Variants in SNRPN observed in about 807,000 individuals in gnomAD.
The protein encoded by SNRPN is small nuclear ribonucleoprotein polypeptide N.
Under a neutral mutation model 25.2 loss-of-function variants are expected in SNRPN, and 7 were observed. That is an observed-to-expected ratio of 0.28 (90% confidence interval 0.16 to 0.52). The LOEUF (loss-of-function observed/expected upper bound fraction) is 0.52. Ranked by LOEUF, SNRPN falls within the 20% of genes least tolerant of loss-of-function variation. The pLI is 0.96. For synonymous variants in SNRPN, 124 were observed against 110.6 expected (o/e 1.12, Z -0.76); for missense variants, 196 against 322.5 (o/e 0.61, Z 3.00).
chr15:24,881,564 G>A (rs372652869), intron 1 of SNRPN, among the ~76,000 whole-genome samples: 7 of 37,836 alleles, frequency 1.9e-4, no homozygotes, highest in Non-Finnish European at 2.4e-4. Flanking sequence ...AGGGAGGGAG[G>A]GAGGGAGGGA....
intron 2 of SNRPN, among the ~76,000 whole-genome samples, chr15:24,897,694 T>C (rs1175267399): frequency 6.6e-6 from 1 of 152,196 alleles, no homozygotes; most frequent in African/African-American, 2.4e-5. Flanking sequence ...TCCCCTATAC[T>C]GTTCTCTTGG....
intron 1 of SNRPN, among the ~76,000 whole-genome samples, chr15:24,868,182 A>T (rs964583184): frequency 6.6e-6 from 1 of 152,150 alleles, no homozygotes; most frequent in Middle Eastern, 3.4e-3. Context: ...TATAAATGCA[A>T]TGAATGACAG....
At chr15:24,969,084 A>C (rs146441518) in intron 3 of SNRPN, among the ~76,000 whole-genome samples, 2 of 151,970 alleles carry the variant, frequency 1.3e-5, no homozygotes, top group South Asian at 2.1e-4. Context: ...TTATCCTTCA[A>C]CTTGAATCAG....
At chr15:24,831,961 G>A (rs563299351) in intron 2 of SNRPN, among the ~76,000 whole-genome samples, 3 of 142,774 alleles carry the variant, frequency 2.1e-5, no homozygotes, top group South Asian at 2.1e-4. Context: ...CCAACACACC[G>A]GATAGTCAAT....
chr15:24,968,123 T>A, intron 3 of SNRPN, 41 bp downstream of exon 3: 3 of 1,185,318 alleles, frequency 2.5e-6, no homozygotes, highest in African/African-American at 1.5e-5. Flanking sequence ...AAAGAATCAT[T>A]AAAGAATGGG....
intron 2 of SNRPN, among the ~76,000 whole-genome samples, chr15:24,967,638 TC>T (rs2075836115): frequency 7.8e-6 from 1 of 127,860 alleles, no homozygotes; most frequent in Non-Finnish European, 1.7e-5. Context: ...TGAGACTCTG[TC>T]TTAAAAAAAA....
chr15:24,923,913 G>C (rs28665552), intron 3 of SNRPN, among the ~76,000 whole-genome samples: 2 of 67,602 alleles, frequency 3.0e-5, no homozygotes, highest in Non-Finnish European at 6.0e-5. Flanking sequence ...GTGTGTGTGT[G>C]TATATAAACA....
intron 3 of SNRPN, among the ~76,000 whole-genome samples, chr15:24,940,231 C>T (rs1349350614): frequency 6.6e-6 from 1 of 152,072 alleles, no homozygotes; most frequent in South Asian, 2.1e-4. Context: ...TGATATACTC[C>T]AGTTTATCTA....
chr15:24,925,580 C>T (rs1376103747), intron 3 of SNRPN, among the ~76,000 whole-genome samples: 1 of 152,104 alleles, frequency 6.6e-6, no homozygotes, highest in African/African-American at 2.4e-5. Flanking sequence ...ATAGAGTCCT[C>T]CTTTTCTTTT....
chr15:24,974,537 TG>T, intron 4 of SNRPN, 81 bp downstream of exon 4: 2 of 1,336,526 alleles, frequency 1.5e-6, no homozygotes, highest in South Asian at 2.3e-5. Flanking sequence ...GCAGTGATCT[TG>T]GGTTCTGAAT....
chr15:24,951,924 C>G (rs527820548), upstream of SNRPN, among the ~76,000 whole-genome samples: 1 of 152,090 alleles, frequency 6.6e-6, no homozygotes, highest in African/African-American at 2.4e-5. Flanking sequence ...TCCCTTGAAT[C>G]GAAAACTTTT....
At chr15:24,892,739 C>CAAAT (rs58113225) in intron 2 of SNRPN, among the ~76,000 whole-genome samples, 16 of 150,140 alleles carry the variant, frequency 1.1e-4, no homozygotes, top group Non-Finnish European at 1.9e-4. Flanking sequence ...TCCATCTCAA[C>CAAAT]AAATAAATAA....
At chr15:24,917,286 G>T (rs1595883956) in intron 2 of SNRPN, among the ~76,000 whole-genome samples, 1 of 152,166 alleles carries the variant, frequency 6.6e-6, no homozygotes, top group African/African-American at 2.4e-5. Context: ...GATCTATGAT[G>T]TCATATTTTT....
intron 2 of SNRPN, among the ~76,000 whole-genome samples, chr15:24,839,385 T>C (rs765389868): frequency 4.5e-4 from 68 of 152,066 alleles, no homozygotes; most frequent in South Asian, 2.1e-4. Context: ...TTCTCCTCAA[T>C]AACAGCAATG....
intron 1 of SNRPN, among the ~76,000 whole-genome samples, chr15:24,881,533 G>T (rs189311913): frequency 0.2 from 8,777 of 43,828 alleles, 579 homozygotes; most frequent in East Asian, 0.55. Flanking sequence ...CTCCGAGAGA[G>T]AGAGAGAGAG....
chr15:24,922,037 TAAAAAAAA>T (rs67089476), intron 3 of SNRPN, among the ~76,000 whole-genome samples: 1 of 94,414 alleles, frequency 1.1e-5, no homozygotes, highest in Non-Finnish European at 2.1e-5. Context: ...CCGTCTCTAC[TAAAAAAAA>T]AAAAAAAAAA....
intron 2 of SNRPN, chr15:24,851,142 A>AC (rs2052787652): frequency 6.6e-6 from 1 of 150,676 alleles, no homozygotes; most frequent in Admixed American, 6.6e-5. Context: ...GGTGGGGGGA[A>AC]GTTTTAGAGA....
intron 2 of SNRPN, among the ~76,000 whole-genome samples, chr15:24,918,364 A>G (rs1294855730): frequency 8.1e-6 from 1 of 122,852 alleles, no homozygotes; most frequent in Non-Finnish European, 1.7e-5. Context: ...CATTATATAT[A>G]TGTGTATATA....
chr15:24,897,649 G>A (rs912399748), intron 2 of SNRPN, among the ~76,000 whole-genome samples: 6 of 152,296 alleles, frequency 3.9e-5, no homozygotes, highest in Admixed American at 3.3e-4. Context: ...CAAGGGTGGG[G>A]CCAGGTGGAG....
Sources: gnomAD v4.1 joint callset for allele counts (sites outside exome capture counted in the v4.1 genomes callset) on GRCh38, gnomAD v4.1.1 for gene constraint, MANE v1.5 for transcripts, NCBI Gene and HGNC (gene_info 2026-07-23, HGNC 2026-07-21) for gene names.